Variants in NALF1 observed in about 807,000 individuals in gnomAD.
NALF1 encodes family with sequence similarity 155 member A.
Under a neutral mutation model 48.4 loss-of-function variants are expected in NALF1, and 3 were observed. The observed-to-expected ratio is 0.06, with a 90% CI of 0.03 to 0.16. NALF1 has a LOEUF of 0.16. Among genes scored for constraint, NALF1 ranks in the 10% least tolerant of loss-of-function variants. The pLI is 1.00. For synonymous variants in NALF1, 262 were observed against 245.7 expected, an observed-to-expected ratio of 1.07 and a Z score of -0.62; for missense variants, 526 against 571.5, an observed-to-expected ratio of 0.92 and a Z score of 0.81.
intron 1 of NALF1, among the ~76,000 whole-genome samples, chr13:107,311,401 CAT>C (rs1292807417): frequency 6.6e-6 from 1 of 152,116 alleles, no homozygotes; most frequent in South Asian, 2.1e-4. Context: ...GATCTTAAAA[CAT>C]ACAGTATCTC....
intron 1 of NALF1, among the ~76,000 whole-genome samples, chr13:107,477,024 G>C (rs1885185133): frequency 2.6e-5 from 4 of 152,080 alleles, no homozygotes. Flanking sequence ...TTTGCAGTCA[G>C]GGAAACTGAG....
At chr13:107,684,712 A>G (rs769385658) in intron 1 of NALF1, among the ~76,000 whole-genome samples, 1 of 152,330 alleles carries the variant, frequency 6.6e-6, no homozygotes, top group Non-Finnish European at 1.5e-5. Flanking sequence ...AGTTATCTCT[A>G]GTGAATTACT....
At chr13:107,661,078 G>A (rs1012064479) in intron 1 of NALF1, among the ~76,000 whole-genome samples, 3 of 152,158 alleles carry the variant, frequency 2.0e-5, no homozygotes, top group African/African-American at 7.2e-5. Context: ...ATCAGGAGCG[G>A]GATTGGAGCA....
intron 1 of NALF1, among the ~76,000 whole-genome samples, chr13:107,380,894 C>T (rs1297566686): frequency 7.4e-5 from 11 of 148,850 alleles, no homozygotes; most frequent in Non-Finnish European, 1.0e-4. Context: ...AGGAGAATGG[C>T]ATGAACCTGG....
At chr13:107,204,567 A>C (rs996886473) in intron 2 of NALF1, among the ~76,000 whole-genome samples, 31 of 152,252 alleles carry the variant, frequency 2.0e-4, no homozygotes, top group African/African-American at 7.5e-4. Flanking sequence ...AGAATTCAGA[A>C]AAAGTAATCT....
intron 2 of NALF1, among the ~76,000 whole-genome samples, chr13:107,199,978 T>C (rs1354473799): frequency 6.7e-6 from 1 of 149,658 alleles, no homozygotes; most frequent in African/African-American, 2.5e-5. Context: ...AAGGACGGAG[T>C]TGCTACTCAC....
At chr13:107,780,783 T>C (rs1877865855) in intron 1 of NALF1, among the ~76,000 whole-genome samples, 1 of 151,616 alleles carries the variant, frequency 6.6e-6, no homozygotes, top group African/African-American at 2.4e-5. Context: ...AATACAAGAG[T>C]TTTAATTTCT....
intron 1 of NALF1, among the ~76,000 whole-genome samples, chr13:107,780,344 C>T (rs1284059093): frequency 6.6e-6 from 1 of 152,058 alleles, no homozygotes; most frequent in African/African-American, 2.4e-5. Context: ...GCGTTCAACA[C>T]TGACATTGGG....
chr13:107,309,564 C>T (rs929301623), intron 1 of NALF1, among the ~76,000 whole-genome samples: 4 of 152,138 alleles, frequency 2.6e-5, no homozygotes, highest in East Asian at 1.9e-4. Flanking sequence ...GAGGTCTACA[C>T]GAAGGTTCAC....
At chr13:107,545,278 C>T (rs1416835481) in intron 1 of NALF1, among the ~76,000 whole-genome samples, 1 of 152,252 alleles carries the variant, frequency 6.6e-6, no homozygotes, top group Non-Finnish European at 1.5e-5. Flanking sequence ...AGCAATGCAC[C>T]CACAAGCCAA....
intron 1 of NALF1, among the ~76,000 whole-genome samples, chr13:107,465,349 T>A (rs1215109164): frequency 2.0e-5 from 3 of 151,846 alleles, no homozygotes; most frequent in Non-Finnish European, 2.9e-5. Flanking sequence ...CTTTGTTTAC[T>A]TTTTTGCCTA....
chr13:107,627,369 C>T (rs1879701663), intron 1 of NALF1, among the ~76,000 whole-genome samples: 1 of 152,014 alleles, frequency 6.6e-6, no homozygotes, highest in Non-Finnish European at 1.5e-5. Context: ...TTTCTTGAGG[C>T]TTTGTTCTCC....
intron 1 of NALF1, among the ~76,000 whole-genome samples, chr13:107,349,734 C>T (rs1594131968): frequency 2.2e-5 from 3 of 134,846 alleles, no homozygotes; most frequent in Admixed American, 7.7e-5. Flanking sequence ...AGCGAGAATA[C>T]GTCTCAAAAA....
intron 1 of NALF1, among the ~76,000 whole-genome samples, chr13:107,854,360 T>C (rs1053828662): frequency 2.6e-5 from 4 of 152,274 alleles, no homozygotes; most frequent in African/African-American, 9.6e-5. Flanking sequence ...GACTGTGGCA[T>C]GAGGCCATTG....
At chr13:107,339,391 A>C (rs1302538375) in intron 1 of NALF1, among the ~76,000 whole-genome samples, 1 of 151,846 alleles carries the variant, frequency 6.6e-6, no homozygotes, top group Non-Finnish European at 1.5e-5. Flanking sequence ...GATTTAATGC[A>C]CGTGTGAGTC....
chr13:107,458,205 G>A (rs1884856226), intron 1 of NALF1, among the ~76,000 whole-genome samples: 1 of 152,140 alleles, frequency 6.6e-6, no homozygotes, highest in Non-Finnish European at 1.5e-5. Flanking sequence ...AGCATTGAAG[G>A]AAAAACGTAG....
intron 1 of NALF1, among the ~76,000 whole-genome samples, chr13:107,405,027 T>C (rs1263680527): frequency 6.6e-6 from 1 of 152,136 alleles, no homozygotes; most frequent in East Asian, 1.9e-4. Context: ...GTTTTTACAA[T>C]TATCCTTTCA....
intron 1 of NALF1, among the ~76,000 whole-genome samples, chr13:107,395,308 T>C (rs1883694145): frequency 6.6e-6 from 1 of 152,168 alleles, no homozygotes; most frequent in Admixed American, 6.6e-5. Flanking sequence ...TTATGTTCAC[T>C]AGGTCAGCCC....
At chr13:107,405,777 A>C (rs564976855) in intron 1 of NALF1, among the ~76,000 whole-genome samples, 2 of 152,162 alleles carry the variant, frequency 1.3e-5, no homozygotes, top group East Asian at 3.9e-4. Flanking sequence ...GTTAAAAAAA[A>C]CTACAGAATG....
Sources: allele counts gnomAD v4.1 joint callset (sites outside exome capture counted in the v4.1 genomes callset), GRCh38; gene constraint gnomAD v4.1.1; transcripts MANE v1.5; gene names NCBI Gene and HGNC (gene_info 2026-07-23, HGNC 2026-07-21).